Variants in STAP1 observed in about 807,000 individuals in gnomAD.
STAP1 encodes signal-transducing adaptor protein 1.
Under a neutral mutation model 37.8 loss-of-function variants are expected in STAP1, and 30 were observed. The ratio of observed to expected loss-of-function variants is 0.79; its 90% CI spans 0.59 to 1.08. STAP1 has a LOEUF of 1.08. Ranked by LOEUF, STAP1 falls within the 50% of genes least tolerant of loss-of-function variation. The probability of loss-of-function intolerance (pLI) is 0.00; values close to 1 mark genes in which losing one functional copy is unlikely to be tolerated. For missense variants in STAP1, 357 were observed against 349.4 expected, an observed-to-expected ratio of 1.02 and a Z score of -0.17; for synonymous variants, 130 against 116.0, an observed-to-expected ratio of 1.12 and a Z score of -0.78.
At chr4:67,603,409 C>T (rs1728386192) in intron 8 of STAP1, among the ~76,000 whole-genome samples, 1 of 152,168 alleles carries the variant, frequency 6.6e-6, no homozygotes, top group Non-Finnish European at 1.5e-5. Context: ...AAGACAAAGT[C>T]TCCTTTACTC....
At chr4:67,585,219 A>G (rs1436943193) in intron 6 of STAP1, among the ~76,000 whole-genome samples, 1 of 152,184 alleles carries the variant, frequency 6.6e-6, no homozygotes, top group Non-Finnish European at 1.5e-5. Flanking sequence ...GCTATTCCTT[A>G]TGGGGATAAT....
rs771957909 is a variant in STAP1 at position 67,581,319 on chromosome 4, A to G, written c.378A>G (p.Gln126=). The G allele has an allele frequency of 1.2e-6, 2 of 1,611,786 alleles. No individual in the cohort carries two copies. The highest frequency in any genetic ancestry group is 1.7e-5 in the Admixed American group (1 of 59,420). The change falls in exon 5 of 9, where the codon CAA becomes CAG. Residue 126 remains glutamine (Q), a synonymous_variant. Transcript: ENST00000265404. ...ILTVTELSVP[Q]NVSLLPGQVI... ...ATTGGTTTCAGCTGTCAGTTCCCCA[A>G]AACGTGTCACTCCTACCTGGGCAAG... is the stretch of plus-strand genomic sequence containing the variant.
intron 1 of STAP1, among the ~76,000 whole-genome samples, chr4:67,560,642 G>GT (rs71667399): frequency 5.2e-3 from 297 of 57,210 alleles, no homozygotes; most frequent in African/African-American, 8.4e-3. Context: ...TTGTGTGTGT[G>GT]GGTGTGTGTC....
rs551401288 is a variant in STAP1, at chr4:67,599,033, G to A, written c.826+5677G>A. Among the ~76,000 whole-genome samples the A allele has an allele frequency of 2.6e-5, 4 of 152,280 alleles. No individual in the cohort carries two copies. In the East Asian group the frequency reaches 5.8e-4, roughly 22 times the overall value. ...GTATTACATTGATTGATTTACATAT[G>A]TTGAGTCATCCTTGTATCCCAGGGA... On this transcript the variant is annotated intron_variant, in intron 8 of 8. Coordinates refer to ENST00000265404, the MANE Select transcript of STAP1 (RefSeq NM_012108.4).
At chr4:67,594,580 C>T (rs959606349) in intron 8 of STAP1, among the ~76,000 whole-genome samples, 1 of 152,158 alleles carries the variant, frequency 6.6e-6, no homozygotes, top group Non-Finnish European at 1.5e-5. Context: ...AGCATTCCTT[C>T]AACTTCTACA....
intron 6 of STAP1, among the ~76,000 whole-genome samples, chr4:67,588,039 TAAAAAAAAAAA>T (rs3032636): frequency 2.8e-4 from 24 of 85,636 alleles, no homozygotes; most frequent in African/African-American, 5.0e-4. Context: ...CACATTTTCT[TAAAAAAAAAAA>T]AAAAAAAAAA....
chr4:67,589,407 A>G (rs1323214891), intron 6 of STAP1, among the ~76,000 whole-genome samples: 1 of 152,136 alleles, frequency 6.6e-6, no homozygotes. Context: ...GTGATGTCCA[A>G]TTGAGAGGTG....
intron 7 of STAP1, among the ~76,000 whole-genome samples, chr4:67,591,281 G>A (rs1728113554): frequency 6.6e-6 from 1 of 152,124 alleles, no homozygotes; most frequent in South Asian, 2.1e-4. Flanking sequence ...ATCTGTAAAT[G>A]CCTAATCCTC....
At chr4:67,584,890 T>C (rs997275828) in intron 6 of STAP1, among the ~76,000 whole-genome samples, 3 of 152,224 alleles carry the variant, frequency 2.0e-5, no homozygotes, top group Non-Finnish European at 4.4e-5. Flanking sequence ...ATCTGACTTA[T>C]TTATAAAAAA....
chr4:67,574,108 A>C (rs1230117742), intron 2 of STAP1, among the ~76,000 whole-genome samples: 1 of 152,134 alleles, frequency 6.6e-6, no homozygotes, highest in Admixed American at 6.6e-5. Flanking sequence ...GGAAAAAAGT[A>C]TGAATATATA....
At chr4:67,602,884 G>T (rs1454497153) in intron 8 of STAP1, among the ~76,000 whole-genome samples, 1 of 152,076 alleles carries the variant, frequency 6.6e-6, no homozygotes, top group Non-Finnish European at 1.5e-5. Flanking sequence ...CCATTGTCTG[G>T]GTACCGCTGA....
intron 4 of STAP1, among the ~76,000 whole-genome samples, 197 bp downstream of exon 4, chr4:67,577,456 G>A (rs1365271278): frequency 6.6e-6 from 1 of 152,054 alleles, no homozygotes; most frequent in Non-Finnish European, 1.5e-5. Context: ...GTAAACAGAT[G>A]ATCATTTCAC....
intron 6 of STAP1, among the ~76,000 whole-genome samples, chr4:67,589,179 G>T (rs764467317): frequency 1.3e-5 from 2 of 152,184 alleles, no homozygotes; most frequent in Non-Finnish European, 2.9e-5. Context: ...TGATTACAAA[G>T]ATCTTATTAT....
chr4:67,565,338 C>T (rs1196659527), intron 1 of STAP1, among the ~76,000 whole-genome samples: 1 of 152,076 alleles, frequency 6.6e-6, no homozygotes, highest in Non-Finnish European at 1.5e-5. Context: ...TTTAAGAAAA[C>T]ATGAAAGGGT....
intron 2 of STAP1, among the ~76,000 whole-genome samples, chr4:67,572,027 A>T (rs1486405659): frequency 6.6e-6 from 1 of 152,208 alleles, no homozygotes; most frequent in Non-Finnish European, 1.5e-5. Flanking sequence ...TAAGTGAGAG[A>T]GCTAACAATT....
chr4:67,579,019 A>G (rs531557043), intron 4 of STAP1, among the ~76,000 whole-genome samples: 23 of 152,224 alleles, frequency 1.5e-4, no homozygotes, highest in Non-Finnish European at 2.6e-4. Flanking sequence ...TATTTTTAGT[A>G]GAGGTGGGGT....
At chr4:67,601,883 C>T (rs758528465) in intron 8 of STAP1, among the ~76,000 whole-genome samples, 11 of 152,178 alleles carry the variant, frequency 7.2e-5, no homozygotes, top group Middle Eastern at 6.8e-3. Context: ...ATATTTATAT[C>T]TTTCTCTAGA....
chr4:67,582,927 C>T (rs1727897717), intron 5 of STAP1, among the ~76,000 whole-genome samples: 1 of 152,120 alleles, frequency 6.6e-6, no homozygotes, highest in Admixed American at 6.5e-5. Context: ...GTAGGCTAGG[C>T]TAAGCTATGA....
intron 1 of STAP1, among the ~76,000 whole-genome samples, chr4:67,566,147 C>T (rs1364449593): frequency 6.6e-6 from 1 of 152,088 alleles, no homozygotes; most frequent in East Asian, 1.9e-4. Context: ...AGGGTTTCAC[C>T]ACGTTGGCCA....
Sources: allele counts gnomAD v4.1 joint callset (sites outside exome capture counted in the v4.1 genomes callset), GRCh38; gene constraint gnomAD v4.1.1; transcripts MANE v1.5; gene names NCBI Gene and HGNC (gene_info 2026-07-23, HGNC 2026-07-21).